Variants in ARNT2 observed in about 807,000 individuals in gnomAD.
ARNT2 encodes the protein ARNT protein 2.
In ARNT2, 36 loss-of-function variants were observed where a neutral mutation model predicts 91.7. That is an observed-to-expected ratio of 0.39 (90% CI 0.30 to 0.52). ARNT2 has a LOEUF of 0.52. Ranked by LOEUF, ARNT2 falls within the 20% of genes least tolerant of loss-of-function variation. The probability of loss-of-function intolerance (pLI) is 0.72; values close to 1 mark genes in which losing one functional copy is unlikely to be tolerated. For synonymous variants in ARNT2, 365 were observed against 347.1 expected, an observed-to-expected ratio of 1.05 and a Z score of -0.57; for missense variants, 775 against 939.3, an observed-to-expected ratio of 0.83 and a Z score of 2.29.
chr15:80,413,736 G>T (rs750105354), intron 1 of ARNT2, among the ~76,000 whole-genome samples: 4 of 152,214 alleles, frequency 2.6e-5, no homozygotes, highest in Non-Finnish European at 4.4e-5. Flanking sequence ...GTTGGCCTGA[G>T]TGGAAACCCA....
rs547275332 is a variant in ARNT2, at chr15:80,584,897, C to T, written c.1918+3493C>T. ...TGGAATGCCTGCTGAGCAGACTTGC[C>T]GGACGTCACCCAGTGGTGGACCAGG... is the stretch of plus-strand genomic sequence containing the variant. On this transcript the variant is annotated intron_variant, in intron 17 of 18. Transcript: ENST00000303329. Among the ~76,000 whole-genome samples, 235 of 152,356 alleles carry T rather than the reference C, an allele frequency of 1.5e-3. 1 individual carries two copies. The highest frequency in any genetic ancestry group is 4.7e-3 in the African/African-American group (196 of 41,580).
intron 5 of ARNT2, among the ~76,000 whole-genome samples, chr15:80,486,116 G>A (rs529853580): frequency 1.3e-5 from 2 of 152,148 alleles, no homozygotes; most frequent in South Asian, 2.1e-4. Flanking sequence ...TAGACACATC[G>A]GTCCAATCTC....
chr15:80,418,710 A>T (rs1348463481), intron 1 of ARNT2, among the ~76,000 whole-genome samples: 2 of 152,146 alleles, frequency 1.3e-5, no homozygotes, highest in Non-Finnish European at 2.9e-5. Flanking sequence ...GTCTGCCTGC[A>T]CATCTGAAAC....
intron 1 of ARNT2, among the ~76,000 whole-genome samples, chr15:80,436,603 G>T (rs1188000897): frequency 6.6e-6 from 1 of 152,178 alleles, no homozygotes; most frequent in Non-Finnish European, 1.5e-5. Flanking sequence ...CCTGGCGGGG[G>T]CTGTGTTTGC....
chr15:80,428,954 T>C (rs1471796590), intron 1 of ARNT2, among the ~76,000 whole-genome samples: 1 of 152,230 alleles, frequency 6.6e-6, no homozygotes, highest in Non-Finnish European at 1.5e-5. Flanking sequence ...ATATATGTCA[T>C]CGGGAGATTC....
chr15:80,461,205 A>T (rs901594225), intron 3 of ARNT2, among the ~76,000 whole-genome samples: 3 of 152,230 alleles, frequency 2.0e-5, no homozygotes, highest in Admixed American at 1.3e-4. Context: ...AGGTGGCATC[A>T]ATGTGTATAA....
intron 8 of ARNT2, among the ~76,000 whole-genome samples, chr15:80,530,433 T>G (rs956064911): frequency 6.6e-6 from 1 of 152,192 alleles, no homozygotes; most frequent in Non-Finnish European, 1.5e-5. Context: ...TGTGCTGATC[T>G]CAGCCATGGT....
chr15:80,483,946 C>T (rs1172188504), intron 5 of ARNT2, among the ~76,000 whole-genome samples: 1 of 152,192 alleles, frequency 6.6e-6, no homozygotes, highest in East Asian at 1.9e-4. Flanking sequence ...GATAATTGAT[C>T]CCACAGGGGT....
intron 1 of ARNT2, among the ~76,000 whole-genome samples, chr15:80,442,392 G>C (rs1295170580): frequency 1.2e-4 from 18 of 152,194 alleles, no homozygotes; most frequent in Non-Finnish European, 2.6e-4. Flanking sequence ...GCATTTCTCA[G>C]TGTGAAATTA....
At position 80,509,458 on chromosome 15, in the gene ARNT2, A is replaced by AAATAAT. The variant is rs142269366; in HGVS notation, c.725+1218_725+1223dup. ...CTCTGTCTCAAAAAAAAAGAGACTAAAATAATAATAATAATAATAATAAAG... is the reference window on the plus strand; with the variant it reads ...CTCTGTCTCAAAAAAAAAGAGACTAAAATAATAATAATAATAATAATAATAATAAAG... On this transcript the variant is annotated intron_variant, in intron 6 of 18. Transcript: ENST00000303329. 5.0e-3 allele frequency among the ~76,000 whole-genome samples: 759 copies of AAATAAT among 151,506 alleles called. 7 individuals are homozygous for AAATAAT. The highest frequency in any genetic ancestry group is 0.017 in the African/African-American group (709 of 41,254).
chr15:80,448,972 G>C (rs923470087), intron 1 of ARNT2, among the ~76,000 whole-genome samples: 7 of 152,152 alleles, frequency 4.6e-5, no homozygotes, highest in Non-Finnish European at 8.8e-5. Flanking sequence ...GTGACAGAGT[G>C]AGACTCCGTC....
Position 80,580,105 on chromosome 15 carries a change from G to T in ARNT2, c.1614-306G>T, listed in dbSNP as rs557771411. 4 of 286,082 alleles carry T rather than the reference G, an allele frequency of 1.4e-5. No homozygotes were observed. The South Asian group carries it at 2.1e-4, about 15-fold the overall frequency. 17.7% of individuals were successfully genotyped at this position (286,082 alleles called of 1,614,324 possible). On this transcript the variant is annotated intron_variant, in intron 15 of 18. Coordinates refer to ENST00000303329, the MANE Select transcript of ARNT2 (RefSeq NM_014862.4). ...GGAACCAAATCATCTGCTGAGAGCA[G>T]AGGATGTACAGGCATAGGATAGGGG...
At position 80,475,180 on chromosome 15, in the gene ARNT2, G is replaced by A; in HGVS notation, c.579G>A (p.Glu193=). ...LYEQVHPDDV[E]KLREQLCTSE... ...AACAGGTGCATCCTGATGACGTGGA[G>A]AAGCTGAGAGAGCAACTGTGCACCT... The change falls in exon 5 of 19, where the codon GAG becomes GAA. Residue 193 remains glutamate, a synonymous_variant. Transcript: ENST00000303329. The A allele has an allele frequency of 6.2e-7, 1 of 1,614,180 alleles. No homozygotes were observed. Among genetic ancestry groups the A allele is most frequent in the South Asian group, 1.1e-5 (1 of 91,078 alleles).
At chr15:80,447,779 A>C (rs1473702504) in intron 1 of ARNT2, among the ~76,000 whole-genome samples, 1 of 152,198 alleles carries the variant, frequency 6.6e-6, no homozygotes, top group African/African-American at 2.4e-5. Flanking sequence ...GGCTCCTAAA[A>C]ATCAATATTA....
intron 1 of ARNT2, chr15:80,445,109 T>A (rs1896275500): frequency 6.7e-6 from 1 of 148,810 alleles, no homozygotes; most frequent in Admixed American, 6.7e-5. Context: ...TATGTTGATG[T>A]GAGTGGTGTG....
chr15:80,518,179 T>C (rs58388323), intron 8 of ARNT2, among the ~76,000 whole-genome samples: 5,090 of 152,118 alleles, frequency 0.033, 165 homozygotes, highest in African/African-American at 0.084. Context: ...GTTTTAAATA[T>C]TGTAGCTATA....
intron 5 of ARNT2, among the ~76,000 whole-genome samples, chr15:80,505,927 G>GTGTTTTTTTT (rs1897266995): frequency 1.1e-5 from 1 of 88,930 alleles, no homozygotes; most frequent in Non-Finnish European, 2.2e-5. Flanking sequence ...AACATTTGTT[G>GTGTTTTTTTT]TTTTTTTTTT....
intron 8 of ARNT2, among the ~76,000 whole-genome samples, chr15:80,546,110 G>A (rs930499722): frequency 9.9e-5 from 15 of 152,248 alleles, no homozygotes; most frequent in Admixed American, 3.3e-4. Context: ...GTTTTGCTGC[G>A]TATAACAGAA....
chr15:80,546,974 C>T (rs561075199), intron 8 of ARNT2, among the ~76,000 whole-genome samples: 4 of 148,752 alleles, frequency 2.7e-5, no homozygotes, highest in Non-Finnish European at 6.0e-5. Flanking sequence ...AAAAAAAAAA[C>T]CAAACAAAAC....
Sources: gnomAD v4.1 joint callset for allele counts (sites outside exome capture counted in the v4.1 genomes callset) on GRCh38, gnomAD v4.1.1 for gene constraint, MANE v1.5 for transcripts, NCBI Gene and HGNC (gene_info 2026-07-23, HGNC 2026-07-21) for gene names.